Variants in ULK4 observed in about 807,000 individuals in gnomAD.
ULK4 encodes inactive serine/threonine-protein kinase ULK4.
Under a neutral mutation model 160.6 loss-of-function variants are expected in ULK4, and 133 were observed. The observed-to-expected ratio is 0.83, with a 90% CI of 0.72 to 0.96. The LOEUF is 0.96. Among genes scored for constraint, ULK4 ranks in the 40% least tolerant of loss-of-function variants. The pLI is 0.00. For synonymous variants in ULK4, 534 were observed against 539.8 expected, an observed-to-expected ratio of 0.99 and a Z score of 0.15; for missense variants, 1,580 against 1,499.5, an observed-to-expected ratio of 1.05 and a Z score of -0.89.
chr3:41,719,278 G>A (rs1031466392), intron 22 of ULK4, among the ~76,000 whole-genome samples: 1 of 152,126 alleles, frequency 6.6e-6, no homozygotes, highest in Non-Finnish European at 1.5e-5. Flanking sequence ...TCCTCTAACT[G>A]TTTAACACAG....
At chr3:41,301,385 G>A (rs1329628895) in intron 35 of ULK4, among the ~76,000 whole-genome samples, 1 of 152,132 alleles carries the variant, frequency 6.6e-6, no homozygotes, top group Non-Finnish European at 1.5e-5. Flanking sequence ...AATCTTCCCA[G>A]GACCCAAGAT....
intron 32 of ULK4, among the ~76,000 whole-genome samples, chr3:41,466,485 C>T (rs1036881113): frequency 6.6e-6 from 1 of 152,060 alleles, no homozygotes; most frequent in Non-Finnish European, 1.5e-5. Context: ...GATCCTTGAC[C>T]ATTACCTCAC....
Position 41,604,736 on chromosome 3 carries a change from G to A in ULK4, c.3120+10933C>T, listed in dbSNP as rs1026990148. Among the ~76,000 whole-genome samples the A allele has an allele frequency of 2.0e-5, 3 of 152,014 alleles. No individual in the cohort carries two copies. In the East Asian group the frequency reaches 5.8e-4, roughly 29 times the overall value. On this transcript the variant is annotated intron_variant, in intron 31 of 36. Coordinates refer to ENST00000301831, the MANE Select transcript of ULK4 (RefSeq NM_017886.4). ...AGTTCACTGTCAAGCTACAGCCAGG[G>A]CCAACTCTACATGTTTCTGTGCCTG... is the stretch of plus-strand genomic sequence containing the variant.
chr3:41,647,517 G>A (rs541836546), intron 30 of ULK4, among the ~76,000 whole-genome samples: 8 of 152,168 alleles, frequency 5.3e-5, no homozygotes, highest in East Asian at 1.9e-4. Context: ...GGATTTTCGC[G>A]AACCACAAAT....
chr3:41,937,280 C>T (rs746098980), intron 3 of ULK4: 7 of 678,580 alleles, frequency 1.0e-5, no homozygotes, highest in South Asian at 3.2e-5. Flanking sequence ...AATTCCAGGA[C>T]TGTGTCTTGA....
At position 41,731,676 on chromosome 3, in the gene ULK4, G is replaced by GA. The variant is rs371556781; in HGVS notation, c.2322-13816dup. On this transcript the variant is annotated intron_variant, in intron 22 of 36. Coordinates refer to ENST00000301831, the MANE Select transcript of ULK4 (RefSeq NM_017886.4). Reference sequence around the variant, plus strand: ...CCAAAGAGCCAAATCAATTTTGGGGGAAAAAAAAAAAAAAAGAACAAAAGC... The same window carrying GA: ...CCAAAGAGCCAAATCAATTTTGGGGGAAAAAAAAAAAAAAAAGAACAAAAGC... 4.8e-3 allele frequency among the ~76,000 whole-genome samples: 581 copies of GA among 120,052 alleles called. 1 individual carries two copies. The highest frequency in any genetic ancestry group is 6.8e-3 in the Non-Finnish European group (362 of 53,238). The allele number at this position is 120,052 out of a possible 152,430, so 78.8% of individuals were successfully genotyped here.
chr3:41,839,177 G>A (rs923010047), intron 17 of ULK4, among the ~76,000 whole-genome samples: 8 of 151,640 alleles, frequency 5.3e-5, no homozygotes, highest in East Asian at 1.9e-4. Context: ...GTGAAACCCC[G>A]TCTCTACTAA....
At chr3:41,342,704 G>C (rs2080712342) in intron 35 of ULK4, among the ~76,000 whole-genome samples, 1 of 152,148 alleles carries the variant, frequency 6.6e-6, no homozygotes, top group Non-Finnish European at 1.5e-5. Context: ...ACCAAAACCT[G>C]GCAGAGATAC....
intron 32 of ULK4, among the ~76,000 whole-genome samples, chr3:41,501,479 C>T (rs2085206026): frequency 6.6e-6 from 1 of 152,104 alleles, no homozygotes; most frequent in South Asian, 2.1e-4. Context: ...GCCTGGGTGA[C>T]AGAGCAAGAC....
At chr3:41,535,448 T>A (rs1034683520) in intron 32 of ULK4, among the ~76,000 whole-genome samples, 8 of 152,350 alleles carry the variant, frequency 5.3e-5, no homozygotes, top group South Asian at 2.1e-4. Context: ...AACAATCATT[T>A]CTACTCCTTT....
chr3:41,911,409 T>C (rs752694171), intron 10 of ULK4, 23 bp from the exon 11 acceptor site: 7 of 1,613,034 alleles, frequency 4.3e-6, no homozygotes, highest in African/African-American at 1.3e-5. Flanking sequence ...AGTAATATGT[T>C]ATCCAGAAAA....
chr3:41,253,964 T>G (rs1456978935), intron 35 of ULK4, among the ~76,000 whole-genome samples: 1 of 152,326 alleles, frequency 6.6e-6, no homozygotes, highest in Middle Eastern at 3.4e-3. Flanking sequence ...TAAATGTGTA[T>G]ACATCTAACA....
intron 13 of ULK4, among the ~76,000 whole-genome samples, chr3:41,899,620 T>C (rs1428013588): frequency 6.6e-6 from 1 of 152,234 alleles, no homozygotes; most frequent in Admixed American, 6.5e-5. Context: ...CAATTTTTTT[T>C]GTTTTTTAGT....
At chr3:41,458,415 G>A (rs963253482) in intron 33 of ULK4, among the ~76,000 whole-genome samples, 2 of 152,158 alleles carry the variant, frequency 1.3e-5, no homozygotes, top group African/African-American at 2.4e-5. Context: ...TTATGCTCTA[G>A]TGTGTGCTAA....
At position 41,544,069 on chromosome 3, in the gene ULK4, C is replaced by T. The variant is rs192727230; in HGVS notation, c.3226+21956G>A. Among the ~76,000 whole-genome samples, 10 of 152,098 alleles carry T rather than the reference C, an allele frequency of 6.6e-5. No individual in the cohort carries two copies. In the East Asian group the frequency reaches 9.6e-4, roughly 15 times the overall value. On this transcript the variant is annotated intron_variant, in intron 32 of 36. Transcript: ENST00000301831. ...CCTTGCTTTTTTCCTGTGTATAGGC[C>T]GTATTTTCCTAGTTTGGCTTTTTGA... is the stretch of plus-strand genomic sequence containing the variant.
chr3:41,617,218 C>G (rs1040513073), intron 30 of ULK4, among the ~76,000 whole-genome samples: 19 of 152,366 alleles, frequency 1.2e-4, no homozygotes, highest in Non-Finnish European at 1.9e-4. Context: ...CTGAAGAGAA[C>G]AGCTGATGCT....
chr3:41,657,282 C>A (rs1002820852), intron 30 of ULK4, among the ~76,000 whole-genome samples: 19 of 152,058 alleles, frequency 1.2e-4, no homozygotes, highest in South Asian at 2.1e-4. Flanking sequence ...AGAATAAACA[C>A]ATAAAAATCA....
intron 21 of ULK4, among the ~76,000 whole-genome samples, chr3:41,788,748 T>C (rs2040067924): frequency 6.6e-6 from 1 of 152,008 alleles, no homozygotes; most frequent in South Asian, 2.1e-4. Context: ...TGCATACTAC[T>C]TTCCCCTCAT....
At chr3:41,573,492 C>G (rs2088076601) in intron 31 of ULK4, among the ~76,000 whole-genome samples, 1 of 152,198 alleles carries the variant, frequency 6.6e-6, no homozygotes, top group Admixed American at 6.5e-5. Context: ...CCTTTAACAA[C>G]TAAAAGTAAC....
Sources: allele counts gnomAD v4.1 joint callset (sites outside exome capture counted in the v4.1 genomes callset), GRCh38; gene constraint gnomAD v4.1.1; transcripts MANE v1.5; gene names NCBI Gene and HGNC (gene_info 2026-07-23, HGNC 2026-07-21).